DDX49: variants seen among roughly 807,000 people sequenced by gnomAD.
DDX49 encodes DEAD-box helicase 49.
DDX49 carries 50 observed loss-of-function variants against 56.3 expected under a neutral mutation model. That is an observed-to-expected ratio of 0.89 (90% CI 0.71 to 1.12). The LOEUF (loss-of-function observed/expected upper bound fraction) is 1.12, where lower values mean the gene tolerates loss of function less well. Ranked by LOEUF, DDX49 falls within the 50% of genes most tolerant of loss-of-function variation. The pLI, the probability that DDX49 is intolerant of heterozygous loss-of-function variation, is 0.00. For missense variants in DDX49, 614 were observed against 650.5 expected, an observed-to-expected ratio of 0.94 and a Z score of 0.61; for synonymous variants, 269 against 270.6, an observed-to-expected ratio of 0.99 and a Z score of 0.06.
chr19:18,925,024 C>G, intron 9 of DDX49, 45 bp downstream of exon 9: 6 of 1,587,342 alleles, frequency 3.8e-6, no homozygotes, highest in Non-Finnish European at 5.1e-6. Context: ...TCTGTCCCTC[C>G]AGCCTGCCCA....
intron 7 of DDX49, 95 bp from the exon 8 acceptor site, chr19:18,924,528 G>A (rs2056945079): frequency 2.2e-6 from 3 of 1,393,774 alleles, no homozygotes; most frequent in Non-Finnish European, 3.0e-6. Flanking sequence ...CTCAATGGAC[G>A]GCTGGGGACT....
At position 18,922,873 on chromosome 19, in the gene DDX49, T is replaced by C. The variant is rs532245322; in HGVS notation, c.776+129T>C. On this transcript the variant is annotated intron_variant, in intron 6 of 12. Transcript: ENST00000247003. ...TGCTCAGCCTGGAGGTCATGGGGGCTTCCCTCAAGGAGCCAAGGTCCCTCA... is the reference window on the plus strand; with the variant it reads ...TGCTCAGCCTGGAGGTCATGGGGGCCTCCCTCAAGGAGCCAAGGTCCCTCA... The C allele has an allele frequency of 4.0e-5, 50 of 1,242,774 alleles. No homozygotes were observed. The East Asian group carries it at 9.3e-4, about 23-fold the overall frequency. The allele number at this position is 1,242,774 out of a possible 1,614,324, so 77.0% of individuals were successfully genotyped here.
chr19:18,928,233 G>A lies in DDX49; in HGVS notation c.1369G>A (p.Gly457Ser), dbSNP rs374289129. The A allele has an allele frequency of 2.8e-5, 44 of 1,587,314 alleles. No individual in the cohort carries two copies. In the African/African-American group the frequency reaches 5.8e-4, roughly 21 times the overall value. Residue 457 changes from glycine (G) to serine (S), a missense_variant, in exon 13 of 13, where the codon GGC becomes AGC. Physicochemically the swap from Gly to Ser is moderately conservative, Grantham distance 56. Transcript: ENST00000247003. The stretch of plus-strand genomic sequence containing the variant: ...GGAGACGCTGAAGCGACAGAAGGCT[G>A]GCAGGGCTGGCCACAAGGGGCGTCC... ...VEETLKRQKAGRAGHKGRPPR... is the reference protein window; with the variant it reads ...VEETLKRQKASRAGHKGRPPR...
chr19:18,921,685 G>A lies in DDX49; in HGVS notation c.262G>A (p.Glu88Lys). The change falls in exon 3 of 13, where the codon GAG (glutamate) becomes AAG (lysine). Residue 88 changes from glutamate (E) to lysine (K), a missense_variant. Glu to Lys is a moderately conservative substitution (Grantham distance 56). Coordinates refer to ENST00000247003, the MANE Select transcript of DDX49 (RefSeq NM_019070.5). ...CAGGGAGCTGGCCTACCAGATCGCA[G>A]AGCAGTTCCGGGTCCTGGGGAAGCC... ...PTRELAYQIA[E>K]QFRVLGKPLG... 1 of 1,614,140 alleles carries A rather than the reference G, an allele frequency of 6.2e-7. No homozygotes were observed. Among genetic ancestry groups the A allele is most frequent in the African/African-American group, 1.3e-5 (1 of 75,052 alleles).
Position 18,928,462 on chromosome 19 carries a change from C to T in DDX49, c.*146C>T, listed in dbSNP as rs1322696620. 2.5e-5 allele frequency: 19 copies of T among 763,974 alleles called. No homozygotes were observed. The highest frequency in any genetic ancestry group is 3.7e-5 in the Non-Finnish European group (18 of 492,990). The allele number at this position is 763,974 out of a possible 1,614,324, so 47.3% of individuals were successfully genotyped here. A position where few individuals can be genotyped will look rare whatever the true frequency, so the allele number is the denominator to read the frequency against. On this transcript the variant is annotated 3_prime_UTR_variant, in exon 13 of 13. Coordinates refer to ENST00000247003, the MANE Select transcript of DDX49 (RefSeq NM_019070.5). Reference sequence around the variant, plus strand: ...GGGCGCTCGTGTTGTGCGGGCCCTGCTCCTCTGCCCCGAAACCACTGGCTG... The same window carrying T: ...GGGCGCTCGTGTTGTGCGGGCCCTGTTCCTCTGCCCCGAAACCACTGGCTG...
chr19:18,926,177 C>T, intron 9 of DDX49, 126 bp from the exon 10 acceptor site: 2 of 1,021,552 alleles, frequency 2.0e-6, no homozygotes, highest in Non-Finnish European at 2.9e-6. Flanking sequence ...GGGCTGATCC[C>T]TCCCAAGCCC....
intron 7 of DDX49, 66 bp downstream of exon 7, chr19:18,924,374 C>A: frequency 1.3e-6 from 2 of 1,509,732 alleles, no homozygotes; most frequent in Non-Finnish European, 1.8e-6. Flanking sequence ...ACATTGGCCC[C>A]GATCCTTCCT....
Position 18,927,813 on chromosome 19 carries a change from A to T in DDX49, c.1150A>T (p.Ile384Phe). The change falls in exon 11 of 13, where the codon ATC (isoleucine) becomes TTC (phenylalanine). Residue 384 changes from isoleucine to phenylalanine, a missense_variant. By Grantham distance (21) the Ile-to-Phe change is conservative. Transcript: ENST00000247003. ...CGTGGAAGAGGCCGAGGTGCTACAG[A>T]TCCTCACACAGGTCAACGTGGTGCG... ...FSVEEAEVLQ[I>F]LTQVNVVRRE... is the part of the protein sequence containing the mutation. 5.0e-6 allele frequency: 8 copies of T among 1,613,950 alleles called. No individual in the cohort carries two copies. Among genetic ancestry groups the T allele is most frequent in the Non-Finnish European group, 6.8e-6 (8 of 1,179,992 alleles).
intron 6 of DDX49, 140 bp downstream of exon 6, chr19:18,922,884 A>G: frequency 1.8e-6 from 2 of 1,133,010 alleles, no homozygotes; most frequent in Admixed American, 2.5e-5. Flanking sequence ...TCCCTCAAGG[A>G]GCCAAGGTCC....
At chr19:18,922,261 T>G (rs1184028917) in intron 4 of DDX49, 65 bp from the exon 5 acceptor site, 1 of 1,557,196 alleles carries the variant, frequency 6.4e-7, no homozygotes, top group East Asian at 2.3e-5. Flanking sequence ...GAGGCCTGCT[T>G]CAGGGGTGGC....
chr19:18,925,419 G>A lies in DDX49; in HGVS notation c.1027+440G>A, dbSNP rs1176278395. Among the ~76,000 whole-genome samples, 12 of 150,682 alleles carry A rather than the reference G, an allele frequency of 8.0e-5. No homozygotes were observed. In the East Asian group the frequency reaches 2.4e-3, roughly 30 times the overall value. On this transcript the variant is annotated intron_variant, in intron 9 of 12. Transcript: ENST00000247003. Reference sequence around the variant, plus strand: ...AATACAAAAAAATTAGCCAGGCGTGGTGGAGGGTGCCTGTAATCCCAGCTA... The same window carrying A: ...AATACAAAAAAATTAGCCAGGCGTGATGGAGGGTGCCTGTAATCCCAGCTA...
At chr19:18,924,849 A>T (rs2056948103) in intron 8 of DDX49, 33 bp from the exon 9 acceptor site, 1 of 1,612,144 alleles carries the variant, frequency 6.2e-7, no homozygotes, top group African/African-American at 1.3e-5. Context: ...CCCCACATGG[A>T]CAGTGGAGCT....
At chr19:18,925,279 G>T in intron 9 of DDX49, 1 of 337,498 alleles carries the variant, frequency 3.0e-6, no homozygotes, top group Non-Finnish European at 5.6e-6. Flanking sequence ...AAATAGGCCA[G>T]GTGCGGTGGC....
chr19:18,926,481 T>G, intron 10 of DDX49, 104 bp downstream of exon 10: 1 of 1,181,256 alleles, frequency 8.5e-7, no homozygotes, highest in Non-Finnish European at 1.2e-6. Context: ...GCCGGCCTGC[T>G]CCCGTGAGCA....
rs1175123216 is a variant in DDX49 at position 18,921,829 on chromosome 19, G to A, written c.326-14G>A. 1.4e-5 allele frequency: 22 copies of A among 1,613,788 alleles called. No individual in the cohort carries two copies. The highest frequency in any genetic ancestry group is 1.9e-5 in the Non-Finnish European group (22 of 1,179,984). ...CCACCTGCCCAGCCCTGCCTCTCAT[G>A]CTCTGTCCCCCAGACATGGTGGCCC... is the stretch of plus-strand genomic sequence containing the variant. On this transcript the variant is annotated splice_polypyrimidine_tract_variant and intron_variant, in intron 3 of 12. Coordinates refer to ENST00000247003, the MANE Select transcript of DDX49 (RefSeq NM_019070.5).
intron 9 of DDX49, chr19:18,925,246 T>G: frequency 2.2e-6 from 1 of 444,756 alleles, no homozygotes; most frequent in Non-Finnish European, 4.1e-6. Flanking sequence ...AGAGCAAAAC[T>G]CTGTCTCCAA....
chr19:18,919,789 A>G lies in DDX49; in HGVS notation c.48A>G (p.Gln16=), dbSNP rs116226161. ...ELGLSSWLVE[Q]CRQLGLKQPT... ...GGCTGTCATCGTGGCTCGTGGAACA[A>G]TGTCGGCAGCTGGGTTTGAAGCAGC... The change falls in exon 1 of 13, where the codon CAA becomes CAG. Residue 16 remains glutamine, a synonymous_variant. Coordinates refer to ENST00000247003, the MANE Select transcript of DDX49 (RefSeq NM_019070.5). 1.3e-4 allele frequency: 210 copies of G among 1,612,048 alleles called. No homozygotes were observed. Among genetic ancestry groups the G allele is most frequent in the Admixed American group, 2.3e-4 (14 of 59,992 alleles).
chr19:18,924,791 C>G, intron 8 of DDX49, 91 bp from the exon 9 acceptor site: 3 of 1,612,480 alleles, frequency 1.9e-6, no homozygotes, highest in Non-Finnish European at 2.5e-6. Context: ...TGTCAGGCAG[C>G]CCTAGCATCC....
intron 10 of DDX49, among the ~76,000 whole-genome samples, chr19:18,926,945 C>T (rs112182793): frequency 6.6e-5 from 10 of 151,700 alleles, no homozygotes; most frequent in African/African-American, 1.5e-4. Context: ...TGGTGGCGCA[C>T]GCCTGTAATT....
Sources: allele counts gnomAD v4.1 joint callset (sites outside exome capture counted in the v4.1 genomes callset), GRCh38; gene constraint gnomAD v4.1.1; transcripts MANE v1.5; gene names NCBI Gene and HGNC (gene_info 2026-07-23, HGNC 2026-07-21).